DMXL1: variants seen among roughly 807,000 people sequenced by gnomAD.
The protein encoded by DMXL1 is Dmx like 1, also known as dmX-like protein 1.
In DMXL1, 99 loss-of-function variants were observed where a neutral mutation model predicts 319.2. That is an observed-to-expected ratio of 0.31 (90% confidence interval 0.26 to 0.37). The LOEUF is 0.37. Ranked by LOEUF, DMXL1 falls within the 10% of genes least tolerant of loss-of-function variation. DMXL1 has a pLI of 1.00. For missense variants in DMXL1, 3,745 were observed against 3,595.6 expected (o/e 1.04, Z -1.06); for synonymous variants, 1,385 against 1,235.2 (o/e 1.12, Z -2.54).
intron 7 of DMXL1, among the ~76,000 whole-genome samples, chr5:119,117,574 T>C (rs941949686): frequency 1.3e-5 from 2 of 150,492 alleles, no homozygotes; most frequent in Admixed American, 6.6e-5. Flanking sequence ...AAAAAGATGC[T>C]AGGAAGGGAG....
chr5:119,247,857 T>C lies in DMXL1; in HGVS notation c.*638T>C, dbSNP rs1223626644. 1 of 152,032 alleles carries C rather than the reference T, an allele frequency of 6.6e-6. No individual in the cohort carries two copies. The highest frequency in any genetic ancestry group is 1.5e-5 in the Non-Finnish European group (1 of 67,968). The allele number at this position is 152,032 out of a possible 1,614,324, so 9.4% of individuals were successfully genotyped here. ...CTTACACATCTTATTTGAACTTAGT[T>C]GTATATATTAGCGAAAACTGGTTTT... On this transcript the variant is annotated 3_prime_UTR_variant, in exon 44 of 44. Transcript: ENST00000539542.
chr5:119,179,769 T>C (rs1315876531), intron 28 of DMXL1, among the ~76,000 whole-genome samples: 2 of 152,162 alleles, frequency 1.3e-5, no homozygotes, highest in African/African-American at 2.4e-5. Context: ...AAATTGTTTC[T>C]TCAGTTACCT....
intron 19 of DMXL1, among the ~76,000 whole-genome samples, chr5:119,157,638 T>C (rs542311340): frequency 4.6e-5 from 7 of 152,322 alleles, no homozygotes; most frequent in Admixed American, 2.6e-4. Flanking sequence ...TATAAATGTA[T>C]GGGTTGATTT....
intron 36 of DMXL1, 60 bp from the exon 37 acceptor site, chr5:119,220,880 C>G (rs140251821): frequency 3.8e-6 from 6 of 1,571,092 alleles, no homozygotes; most frequent in African/African-American, 2.7e-5. Context: ...TTAGACCTTT[C>G]AAGTGTAAAA....
chr5:119,156,047 C>T (rs1023771143), intron 19 of DMXL1, among the ~76,000 whole-genome samples: 1 of 152,120 alleles, frequency 6.6e-6, no homozygotes, highest in Admixed American at 6.5e-5. Flanking sequence ...GTTCTAAATT[C>T]TATCAAATAG....
At chr5:119,173,346 C>T (rs1774982284) in intron 25 of DMXL1, among the ~76,000 whole-genome samples, 1 of 147,824 alleles carries the variant, frequency 6.8e-6, no homozygotes, top group African/African-American at 2.6e-5. Flanking sequence ...GCGCCCACCC[C>T]CCGCCAAAAA....
At chr5:119,090,504 T>A (rs190793893) in intron 1 of DMXL1, among the ~76,000 whole-genome samples, 1 of 152,072 alleles carries the variant, frequency 6.6e-6, no homozygotes, top group East Asian at 1.9e-4. Flanking sequence ...TTGAGGTAAT[T>A]TTTTGTATCT....
At position 119,238,985 on chromosome 5, in the gene DMXL1, C is replaced by G. The variant is rs1313616415; in HGVS notation, c.8560-4C>G. 1 of 1,613,580 alleles carries G rather than the reference C, an allele frequency of 6.2e-7. No individual in the cohort carries two copies. The highest frequency in any genetic ancestry group is 1.3e-5 in the African/African-American group (1 of 75,022). ...GTAACACGTATTGTTTGTAACCATT[C>G]CAGACTTGGCAGTGTCATAACAAAA... On this transcript the variant is annotated splice_polypyrimidine_tract_variant and splice_region_variant and intron_variant, in intron 40 of 43. Coordinates refer to ENST00000539542, the MANE Select transcript of DMXL1 (RefSeq NM_001290321.3).
At chr5:119,114,841 G>A (rs1431049056) in intron 6 of DMXL1, among the ~76,000 whole-genome samples, 2 of 152,054 alleles carry the variant, frequency 1.3e-5, no homozygotes, top group Admixed American at 6.6e-5. Context: ...TCTAATTTTT[G>A]TATTTTTTAA....
intron 39 of DMXL1, among the ~76,000 whole-genome samples, chr5:119,235,477 T>G (rs1313250472): frequency 6.6e-6 from 1 of 151,732 alleles, no homozygotes; most frequent in African/African-American, 2.4e-5. Context: ...GAAGCACAAA[T>G]TAAGAAACTA....
intron 28 of DMXL1, 41 bp from the exon 29 acceptor site, chr5:119,189,667 G>A: frequency 6.3e-7 from 1 of 1,579,152 alleles, no homozygotes; most frequent in Non-Finnish European, 8.7e-7. Flanking sequence ...TAAATGCAAT[G>A]AAAATAGTAC....
At chr5:119,147,834 T>C (rs944447200) in intron 17 of DMXL1, among the ~76,000 whole-genome samples, 6 of 152,158 alleles carry the variant, frequency 3.9e-5, no homozygotes, top group African/African-American at 1.4e-4. Flanking sequence ...TTCTGCTATA[T>C]ATTTATTATC....
At chr5:119,079,884 C>A (rs1002153384) in intron 1 of DMXL1, among the ~76,000 whole-genome samples, 2 of 152,190 alleles carry the variant, frequency 1.3e-5, no homozygotes, top group African/African-American at 2.4e-5. Flanking sequence ...AGATATCTTT[C>A]TTGTCTGTCC....
intron 29 of DMXL1, among the ~76,000 whole-genome samples, chr5:119,190,560 T>C (rs1316077493): frequency 6.6e-6 from 1 of 152,144 alleles, no homozygotes; most frequent in African/African-American, 2.4e-5. Flanking sequence ...GTGTACAAAA[T>C]TGGATTTGAT....
At position 119,221,238 on chromosome 5, in the gene DMXL1, A is replaced by G. The variant is rs187260753; in HGVS notation, c.8277+157A>G. On this transcript the variant is annotated intron_variant, in intron 37 of 43. Transcript: ENST00000539542. Reference sequence around the variant, plus strand: ...GTAAATTTTGATAATGAAGACTAGTATGTTTTCATTTGAAAGGGTAATAAT... The same window carrying G: ...GTAAATTTTGATAATGAAGACTAGTGTGTTTTCATTTGAAAGGGTAATAAT... Among the ~76,000 whole-genome samples, 472 of 152,328 alleles carry G rather than the reference A, an allele frequency of 3.1e-3. 1 individual carries two copies. The highest frequency in any genetic ancestry group is 7.2e-3 in the Admixed American group (110 of 15,298).
Position 119,164,874 on chromosome 5 carries a change from T to C in DMXL1, c.4872+198T>C, listed in dbSNP as rs111530845. Among the ~76,000 whole-genome samples, 417 of 152,298 alleles carry C rather than the reference T, an allele frequency of 2.7e-3. 2 individuals are homozygous for C. The highest frequency in any genetic ancestry group is 9.2e-3 in the African/African-American group (384 of 41,578). On this transcript the variant is annotated intron_variant, in intron 20 of 43. Transcript: ENST00000539542. ...ATGTATATTCTAATTCCCAAGTTTT[T>C]AATTGACAAACTTGTTAGTAGTATA...
intron 19 of DMXL1, among the ~76,000 whole-genome samples, chr5:119,153,077 A>T (rs371232001): frequency 6.6e-6 from 1 of 152,046 alleles, no homozygotes; most frequent in Non-Finnish European, 1.5e-5. Context: ...CCTGGGTTCA[A>T]CTGATTCTCC....
intron 28 of DMXL1, among the ~76,000 whole-genome samples, chr5:119,181,502 T>C (rs1776763124): frequency 6.6e-6 from 1 of 152,182 alleles, no homozygotes; most frequent in Non-Finnish European, 1.5e-5. Flanking sequence ...AAAGGCCTGC[T>C]GGTTTCAAAG....
rs1171240913 is a variant in DMXL1, at chr5:119,167,783, C to T, written c.5317C>T (p.Arg1773Trp). 2 of 1,613,278 alleles carry T rather than the reference C, an allele frequency of 1.2e-6. No individual in the cohort carries two copies. Among genetic ancestry groups the T allele is most frequent in the Non-Finnish European group, 1.7e-6 (2 of 1,179,618 alleles). ...NINMHHDPFL[R>W]SMAYWILEDY... ...AAATATGCATCATGATCCTTTTCTTCGGAGCATGGCATATTGGATTTTGGA... is the reference window on the plus strand; with the variant it reads ...AAATATGCATCATGATCCTTTTCTTTGGAGCATGGCATATTGGATTTTGGA... The change falls in exon 23 of 44, where the codon CGG becomes TGG. Residue 1773 changes from arginine to tryptophan, a missense_variant. Coordinates refer to ENST00000539542, the MANE Select transcript of DMXL1 (RefSeq NM_001290321.3).
Sources: gnomAD v4.1 joint callset for allele counts (sites outside exome capture counted in the v4.1 genomes callset) on GRCh38, gnomAD v4.1.1 for gene constraint, MANE v1.5 for transcripts, NCBI Gene and HGNC (gene_info 2026-07-23, HGNC 2026-07-21) for gene names.